ZACN: variants seen among roughly 807,000 people sequenced by gnomAD.
The protein encoded by ZACN is ligand-gated cation channel ZACN.
A neutral mutation model predicts 38.9 loss-of-function variants in ZACN; 52 were observed. That is an observed-to-expected ratio of 1.34 (90% CI 1.07 to 1.68). The LOEUF (loss-of-function observed/expected upper bound fraction) is 1.68, where lower values mean the gene tolerates loss of function less well. Among genes scored for constraint, ZACN ranks in the 40% most tolerant of loss-of-function variants. The pLI, the probability that ZACN is intolerant of heterozygous loss-of-function variation, is 0.00. For missense variants in ZACN, 559 were observed against 525.6 expected (o/e 1.06, Z -0.62); for synonymous variants, 235 against 227.4 (o/e 1.03, Z -0.30).
chr17:76,082,338 A>C (rs2067017476), intron 8 of ZACN, 125 bp from the exon 9 acceptor site: 1 of 1,119,572 alleles, frequency 8.9e-7, no homozygotes, highest in Non-Finnish European at 1.3e-6. Context: ...GCCAGACCCA[A>C]ATTTTCATCA....
chr17:76,080,296 T>C lies in ZACN; in HGVS notation c.416T>C (p.Val139Ala). Reference sequence around the variant, plus strand: ...AGGGACCAGAGCCCCCAGGCTCGAGTAGACCAGGACGGCCACGTGAAGCTC... The same window carrying C: ...AGGGACCAGAGCCCCCAGGCTCGAGCAGACCAGGACGGCCACGTGAAGCTC... ...DWRDQSPQAR[V>A]DQDGHVKLNL... Residue 139 changes from valine to alanine, a missense_variant, in exon 5 of 9, where the codon GTA becomes GCA. Val to Ala is a moderately conservative substitution (Grantham distance 64, BLOSUM62 0). Transcript: ENST00000334586. 6.2e-7 allele frequency: 1 copy of C among 1,613,468 alleles called. No homozygotes were observed. The highest frequency in any genetic ancestry group is 1.7e-4 in the Middle Eastern group (1 of 6,060).
At chr17:76,079,651 G>T in intron 2 of ZACN, 51 bp from the exon 3 acceptor site, 1 of 1,611,112 alleles carries the variant, frequency 6.2e-7, no homozygotes, top group Non-Finnish European at 8.5e-7. Flanking sequence ...CTCCTGCTGC[G>T]TTCTTTCAAC....
intron 5 of ZACN, 63 bp from the exon 6 acceptor site, chr17:76,081,215 C>G: frequency 6.3e-7 from 1 of 1,599,102 alleles, no homozygotes; most frequent in South Asian, 1.1e-5. Flanking sequence ...CAGTCTGCTA[C>G]CCCCAGACTT....
rs377587633 is a variant in ZACN, at chr17:76,081,647, G to A, written c.772G>A (p.Ala258Thr). 1.2e-6 allele frequency: 2 copies of A among 1,614,016 alleles called. No individual in the cohort carries two copies. Among genetic ancestry groups the A allele is most frequent in the African/African-American group, 1.3e-5 (1 of 74,942 alleles). Residue 258 changes from alanine to threonine, a missense_variant, in exon 7 of 9, where the codon GCC becomes ACC. Transcript: ENST00000334586. ...GTGCGGGGGGTTGCTGCCCCTCCGG[G>A]CCATTGAGCGCATAGGCTACAAGGT... The part of the protein sequence containing the change: ...DVCGGLLPLR[A>T]IERIGYKVTL...
intron 1 of ZACN, 29 bp from the exon 2 acceptor site, chr17:76,079,410 C>T: frequency 6.2e-7 from 1 of 1,614,056 alleles, no homozygotes; most frequent in Non-Finnish European, 8.5e-7. Flanking sequence ...CCCTAGGGCA[C>T]CTGAGTGACC....
intron 5 of ZACN, 99 bp downstream of exon 5, chr17:76,080,523 G>C: frequency 2.0e-6 from 3 of 1,507,728 alleles, no homozygotes; most frequent in Non-Finnish European, 2.7e-6. Context: ...TGCGGGGCAA[G>C]GGGAAGGGGC....
chr17:76,080,421 A>G lies in ZACN; in HGVS notation c.541A>G (p.Thr181Ala). Residue 181 changes from threonine to alanine, a missense_variant, in exon 5 of 9, where the codon ACG (threonine) becomes GCG (alanine). Coordinates refer to ENST00000334586, the MANE Select transcript of ZACN (RefSeq NM_180990.4). The part of the protein sequence containing the change: ...CSLSFYALSN[T>A]AMELEFQAHV... ...CCTCAGCTTCTACGCTCTCAGCAAC[A>G]CGGGTGCTGACAGGGCAGGGGCTGC... 1 of 1,611,094 alleles carries G rather than the reference A, an allele frequency of 6.2e-7. No homozygotes were observed. The highest frequency in any genetic ancestry group is 8.5e-7 in the Non-Finnish European group (1 of 1,178,540).
chr17:76,082,389 C>G, intron 8 of ZACN, 74 bp from the exon 9 acceptor site: 1 of 1,442,856 alleles, frequency 6.9e-7, no homozygotes, highest in East Asian at 2.3e-5. Context: ...GCTGATGACC[C>G]CTGGGGTTCG....
At chr17:76,080,053 T>C in intron 4 of ZACN, 59 bp downstream of exon 4, 1 of 1,516,868 alleles carries the variant, frequency 6.6e-7, no homozygotes, top group South Asian at 1.2e-5. Flanking sequence ...TTTTCCCCCA[T>C]CTACAACCTA....
rs536879025 is a variant in ZACN at position 76,079,706 on chromosome 17, T to C, written c.227T>C (p.Ile76Thr). The stretch of plus-strand genomic sequence containing the variant: ...GATGCATTGCCCTTCCCCCAGGACA[T>C]CCTGCGATACACAATGTCCTCCATG... Reference protein sequence around the residue: ...VFVSNVFNVDILRYTMSSMLL... With the variant: ...VFVSNVFNVDTLRYTMSSMLL... Residue 76 changes from isoleucine to threonine, a missense_variant, in exon 3 of 9, where the codon ATC becomes ACC. By Grantham distance (89) the Ile-to-Thr change is moderately conservative (BLOSUM62 -1). Coordinates refer to ENST00000334586, the MANE Select transcript of ZACN (RefSeq NM_180990.4). 4.3e-6 allele frequency: 7 copies of C among 1,613,570 alleles called. No homozygotes were observed. In the African/African-American group the frequency reaches 5.3e-5, roughly 12 times the overall value.
chr17:76,079,807 AC>A lies in ZACN; in HGVS notation c.267+63del, dbSNP rs2066921361. On this transcript the variant is annotated intron_variant, in intron 3 of 8. Coordinates refer to ENST00000334586, the MANE Select transcript of ZACN (RefSeq NM_180990.4). ...GCCCAGCTGAGTCCAGCTCAGAACT[AC>A]CAGCCTTCATCAACATGCTGAGCTT... is the stretch of plus-strand genomic sequence containing the variant. 24 of 1,604,438 alleles carry A rather than the reference AC, an allele frequency of 1.5e-5. No individual in the cohort carries two copies. The South Asian group carries it at 2.5e-4, about 16-fold the overall frequency.
In ZACN at chr17:76,079,569, T is replaced by C; in HGVS notation, c.222+6T>C. On this transcript the variant is annotated splice_donor_region_variant and intron_variant, in intron 2 of 8. Transcript: ENST00000334586. ...TCTCCAACGTGTTTAATGTGGTAAG[T>C]GCCTCTAGGCCAAGGGCCCCAAGTG... 1.9e-6 allele frequency: 3 copies of C among 1,614,194 alleles called. No homozygotes were observed. The highest frequency in any genetic ancestry group is 2.5e-6 in the Non-Finnish European group (3 of 1,180,018).
rs8066946 is a variant in ZACN at position 76,080,423 on chromosome 17, G to C, written c.543G>C (p.Thr181=). 6.2e-7 allele frequency: 1 copy of C among 1,613,512 alleles called. No individual in the cohort carries two copies. The change falls in exon 5 of 9, where the codon ACG becomes ACC. Residue 181 remains threonine (T), a splice_region_variant and synonymous_variant. Coordinates refer to ENST00000334586, the MANE Select transcript of ZACN (RefSeq NM_180990.4). The part of the protein sequence containing the change: ...CSLSFYALSN[T]AMELEFQAHV... ...TCAGCTTCTACGCTCTCAGCAACAC[G>C]GGTGCTGACAGGGCAGGGGCTGCAG...
rs2066963412 is a variant in ZACN, at chr17:76,081,360, C to T, written c.627C>T (p.Thr209=). 6.2e-7 allele frequency: 1 copy of T among 1,614,164 alleles called. No homozygotes were observed. Among genetic ancestry groups the T allele is most frequent in the Non-Finnish European group, 8.5e-7 (1 of 1,180,036 alleles). The change falls in exon 6 of 9, where the codon ACC becomes ACT. Residue 209 remains threonine (T), a synonymous_variant. Transcript: ENST00000334586. ...AATACGTAGTTTATGATCTGAAGAC[C>T]CAAGTCCCACCCCAGCAGCTGGTGC... ...KREYVVYDLK[T]QVPPQQLVPC...
chr17:76,081,973 G>A lies in ZACN; in HGVS notation c.972G>A (p.Gly324=), dbSNP rs1225574129. 6.8e-6 allele frequency: 11 copies of A among 1,612,370 alleles called. No homozygotes were observed. The highest frequency in any genetic ancestry group is 2.7e-5 in the African/African-American group (2 of 74,892). The change falls in exon 8 of 9, where the codon GGG becomes GGA. Residue 324 remains glycine (G), a synonymous_variant. Transcript: ENST00000334586. ...GGCTGCTGGCCCGGGGCAACCTTGG[G>A]GCCAAGAGCGGCCCCAGCCCAGCCC... ...LAGLLARGNL[G]AKSGPSPAPR... is the part of the protein sequence containing the mutation.
intron 5 of ZACN, chr17:76,080,770 C>A: frequency 2.0e-6 from 1 of 494,046 alleles, no homozygotes. Flanking sequence ...AACTGCCCTC[C>A]ACAGCCATGG....
At position 76,081,595 on chromosome 17, in the gene ZACN, T is replaced by G. The variant is rs761847302; in HGVS notation, c.720T>G (p.Pro240=). Residue 240 remains proline, a synonymous_variant, in exon 7 of 9, where the codon CCT becomes CCG. Transcript: ENST00000334586. ...ALKSIIALLV[P]AEALLLADVC... ...AGTCCATCATCGCTCTCTTGGTGCC[T>G]GCAGAGGCACTGCTGTTGGCTGACG... 6.2e-7 allele frequency: 1 copy of G among 1,614,016 alleles called. No homozygotes were observed. The highest frequency in any genetic ancestry group is 2.2e-5 in the East Asian group (1 of 44,884).
chr17:76,079,778 G>T, intron 3 of ZACN, 32 bp downstream of exon 3: 1 of 1,610,788 alleles, frequency 6.2e-7, no homozygotes, highest in Non-Finnish European at 8.5e-7. Context: ...GGTGGGATGG[G>T]AAAGCCCAGC....
At chr17:76,080,079 A>C (rs1214317543) in intron 4 of ZACN, 85 bp downstream of exon 4, 15 of 1,488,800 alleles carry the variant, frequency 1.0e-5, no homozygotes, top group African/African-American at 2.8e-5. Flanking sequence ...TGTCTGAGTG[A>C]ATATGACCCT....
Sources: allele counts gnomAD v4.1 joint callset, GRCh38; gene constraint gnomAD v4.1.1; transcripts MANE v1.5; gene names NCBI Gene and HGNC (gene_info 2026-07-23, HGNC 2026-07-21).